Variants in MLLT3 observed in about 807,000 individuals in gnomAD.
MLLT3 encodes MLLT3 super elongation complex subunit.
MLLT3 carries 4 observed loss-of-function variants against 53.2 expected under a neutral mutation model. The observed-to-expected ratio is 0.08, with a 90% CI of 0.04 to 0.17. The LOEUF (loss-of-function observed/expected upper bound fraction) is 0.17, where lower values mean the gene tolerates loss of function less well. Among genes scored for constraint, MLLT3 ranks in the 10% least tolerant of loss-of-function variants. The pLI, the probability that MLLT3 is intolerant of heterozygous loss-of-function variation, is 1.00. For missense variants in MLLT3, 569 were observed against 684.0 expected (o/e 0.83, Z 1.87); for synonymous variants, 283 against 230.6 (o/e 1.23, Z -2.06).
chr9:20,347,842 C>G (rs1340973622), intron 10 of MLLT3, among the ~76,000 whole-genome samples: 1 of 152,116 alleles, frequency 6.6e-6, no homozygotes, highest in Non-Finnish European at 1.5e-5. Context: ...AATTATTGAG[C>G]CTATCATTTA....
intron 2 of MLLT3, among the ~76,000 whole-genome samples, chr9:20,483,301 C>CA (rs1165893606): frequency 6.6e-6 from 1 of 151,808 alleles, no homozygotes; most frequent in Non-Finnish European, 1.5e-5. Context: ...GTGGTGCAGT[C>CA]ATGGCTCACT....
intron 8 of MLLT3, among the ~76,000 whole-genome samples, chr9:20,359,363 T>G (rs1587151251): frequency 6.6e-6 from 1 of 151,880 alleles, no homozygotes; most frequent in Non-Finnish European, 1.5e-5. Context: ...ACACCAGAGG[T>G]AAAAGACGGC....
chr9:20,489,751 T>C (rs937226011), intron 2 of MLLT3, among the ~76,000 whole-genome samples: 7 of 152,196 alleles, frequency 4.6e-5, no homozygotes. Flanking sequence ...AAGTCTGTCG[T>C]AGCAGCTTCC....
intron 7 of MLLT3, among the ~76,000 whole-genome samples, chr9:20,362,469 A>G (rs1821348863): frequency 6.6e-6 from 1 of 152,162 alleles, no homozygotes; most frequent in African/African-American, 2.4e-5. Context: ...CAGACAAAAG[A>G]CTTCTAAAGG....
Position 20,341,813 on chromosome 9 carries a change from T to C in MLLT3, c.*4630A>G, listed in dbSNP as rs1820742942. 3 of 203,128 alleles carry C rather than the reference T, an allele frequency of 1.5e-5. No homozygotes were observed. Among genetic ancestry groups the C allele is most frequent in the African/African-American group, 6.9e-5 (3 of 43,532 alleles). 12.6% of individuals were successfully genotyped at this position (203,128 alleles called of 1,614,324 possible). ...CTCTCTGGCTATAGCACATTGTTTC[T>C]GAACAAAACCCTCCAAAGAAATAGG... On this transcript the variant is annotated 3_prime_UTR_variant, in exon 11 of 11. Transcript: ENST00000380338.
intron 2 of MLLT3, among the ~76,000 whole-genome samples, chr9:20,479,257 T>G (rs1824602924): frequency 6.6e-6 from 1 of 152,192 alleles, no homozygotes; most frequent in African/African-American, 2.4e-5. Flanking sequence ...TTCAGGTTTC[T>G]TAGGAAAGTT....
chr9:20,373,489 T>A (rs546492881), intron 5 of MLLT3, among the ~76,000 whole-genome samples: 44 of 152,354 alleles, frequency 2.9e-4, no homozygotes, highest in African/African-American at 9.9e-4. Context: ...CTGGCACTGA[T>A]CCTGTACTAA....
intron 2 of MLLT3, among the ~76,000 whole-genome samples, chr9:20,494,366 A>G (rs1309357969): frequency 1.1e-4 from 17 of 152,130 alleles, no homozygotes; most frequent in Admixed American, 1.1e-3. Flanking sequence ...AGCTTTAAAG[A>G]TGCTGATTTG....
intron 10 of MLLT3, among the ~76,000 whole-genome samples, chr9:20,347,380 T>C (rs1415261649): frequency 2.0e-5 from 3 of 152,186 alleles, no homozygotes; most frequent in Admixed American, 6.5e-5. Flanking sequence ...AGAAATATTA[T>C]CTAGAAAAAG....
intron 4 of MLLT3, among the ~76,000 whole-genome samples, chr9:20,443,903 TG>T (rs1399148672): frequency 6.6e-6 from 1 of 152,216 alleles, no homozygotes; most frequent in Non-Finnish European, 1.5e-5. Context: ...AGCTTGAAGA[TG>T]ATAAAGGTTT....
intron 2 of MLLT3, among the ~76,000 whole-genome samples, chr9:20,520,007 C>A (rs563193739): frequency 1.3e-5 from 2 of 152,142 alleles, no homozygotes; most frequent in Admixed American, 6.5e-5. Context: ...CCATGGAATA[C>A]TATGTAACCA....
chr9:20,574,562 T>C (rs776793939), intron 2 of MLLT3, among the ~76,000 whole-genome samples: 3 of 152,234 alleles, frequency 2.0e-5, no homozygotes, highest in African/African-American at 4.8e-5. Flanking sequence ...AAATAATGCA[T>C]AGACCTTAAT....
chr9:20,455,716 A>T (rs1391772994), intron 3 of MLLT3, among the ~76,000 whole-genome samples: 1 of 152,208 alleles, frequency 6.6e-6, no homozygotes, highest in Admixed American at 6.5e-5. Flanking sequence ...GGAATATGAT[A>T]TAATAATTAG....
intron 5 of MLLT3, among the ~76,000 whole-genome samples, chr9:20,374,131 C>T (rs1164047691): frequency 6.6e-6 from 1 of 152,066 alleles, no homozygotes; most frequent in African/African-American, 2.4e-5. Context: ...GCCTGTAATC[C>T]CAGCACTTTG....
chr9:20,454,849 G>A (rs2118857871), intron 3 of MLLT3, among the ~76,000 whole-genome samples: 1 of 152,246 alleles, frequency 6.6e-6, no homozygotes, highest in African/African-American at 2.4e-5. Flanking sequence ...TGAAAAGTGA[G>A]CAAAATGAGA....
At chr9:20,600,568 A>G (rs1435301742) in intron 2 of MLLT3, among the ~76,000 whole-genome samples, 2 of 152,186 alleles carry the variant, frequency 1.3e-5, no homozygotes, top group Non-Finnish European at 2.9e-5. Flanking sequence ...CTATAGAGTG[A>G]TGTCACCTAT....
chr9:20,538,088 T>G (rs1200308092), intron 2 of MLLT3, among the ~76,000 whole-genome samples: 1 of 152,186 alleles, frequency 6.6e-6, no homozygotes, highest in Non-Finnish European at 1.5e-5. Flanking sequence ...GGAAAAAAAT[T>G]ATTTGTGCCC....
chr9:20,575,800 T>C (rs532880800), intron 2 of MLLT3, among the ~76,000 whole-genome samples: 1 of 152,330 alleles, frequency 6.6e-6, no homozygotes, highest in East Asian at 1.9e-4. Context: ...AGAGTAGATT[T>C]AGCATAAGTC....
chr9:20,418,832 A>C (rs997353948), intron 4 of MLLT3, among the ~76,000 whole-genome samples: 6 of 152,174 alleles, frequency 3.9e-5, no homozygotes, highest in Non-Finnish European at 8.8e-5. Context: ...CCCAGCACTC[A>C]GAAGGCACTT....
Sources: gnomAD v4.1 joint callset for allele counts (sites outside exome capture counted in the v4.1 genomes callset) on GRCh38, gnomAD v4.1.1 for gene constraint, MANE v1.5 for transcripts, NCBI Gene and HGNC (gene_info 2026-07-23, HGNC 2026-07-21) for gene names.